The following NIM1K variants were observed in gnomAD, a reference collection of about 807,000 sequenced individuals.
NIM1K encodes serine/threonine-protein kinase NIM1.
NIM1K carries 35 observed loss-of-function variants against 37.1 expected under a neutral mutation model. That is an observed-to-expected ratio of 0.94 (90% CI 0.72 to 1.25). NIM1K has a LOEUF of 1.25. Ranked by LOEUF, NIM1K falls within the 50% of genes most tolerant of loss-of-function variation. The probability of loss-of-function intolerance (pLI) is 0.00; values close to 1 mark genes in which losing one functional copy is unlikely to be tolerated. For synonymous variants in NIM1K, 234 were observed against 206.6 expected (o/e 1.13, Z -1.14); for missense variants, 564 against 548.0 (o/e 1.03, Z -0.29).
chr5:43,258,377 G>A (rs1470081041), intron 2 of NIM1K, among the ~76,000 whole-genome samples: 1 of 151,414 alleles, frequency 6.6e-6, no homozygotes, highest in African/African-American at 2.4e-5. Context: ...CTAGTTTCTA[G>A]TTTCCAGTTT....
chr5:43,208,128 A>G (rs1413131671), intron 1 of NIM1K, among the ~76,000 whole-genome samples: 1 of 152,052 alleles, frequency 6.6e-6, no homozygotes, highest in Admixed American at 6.6e-5. Flanking sequence ...TTGTTTTGGT[A>G]GATCTTCAGT....
chr5:43,206,228 A>G (rs1752108357), intron 1 of NIM1K, among the ~76,000 whole-genome samples: 1 of 152,108 alleles, frequency 6.6e-6, no homozygotes, highest in Non-Finnish European at 1.5e-5. Flanking sequence ...AAGTAAAGAA[A>G]AGAAAATACC....
intron 2 of NIM1K, among the ~76,000 whole-genome samples, chr5:43,251,309 T>G (rs1038534663): frequency 2.0e-5 from 3 of 152,228 alleles, no homozygotes; most frequent in Non-Finnish European, 4.4e-5. Flanking sequence ...TCTCTTTGCC[T>G]TAATTAGGAG....
chr5:43,266,232 A>G (rs917083909), intron 2 of NIM1K, among the ~76,000 whole-genome samples: 1 of 152,186 alleles, frequency 6.6e-6, no homozygotes, highest in Non-Finnish European at 1.5e-5. Context: ...GAGTCTACAG[A>G]GGCAGGCTGG....
At chr5:43,199,204 A>AAAAAT (rs1200134957) in intron 1 of NIM1K, among the ~76,000 whole-genome samples, 3 of 94,070 alleles carry the variant, frequency 3.2e-5, no homozygotes, top group African/African-American at 1.2e-4. Flanking sequence ...AAAAAAAAAA[A>AAAAAT]ATATATATAT....
chr5:43,211,942 C>A (rs1020422054), intron 1 of NIM1K, among the ~76,000 whole-genome samples: 1 of 152,140 alleles, frequency 6.6e-6, no homozygotes, highest in South Asian at 2.1e-4. Context: ...CTTCATCAAA[C>A]CACACATGCA....
intron 1 of NIM1K, among the ~76,000 whole-genome samples, chr5:43,221,671 A>C (rs1752383138): frequency 6.6e-6 from 1 of 152,214 alleles, no homozygotes; most frequent in East Asian, 1.9e-4. Context: ...TGAGGTACAG[A>C]AACAGCCGGA....
At position 43,198,135 on chromosome 5, in the gene NIM1K, C is replaced by CT. The variant is rs1275893767; in HGVS notation, c.-695+5727dup. Reference sequence around the variant, plus strand: ...CACCCGCACCTGGCCAATATGATTTCTTTCTTTCTTTCTTTCTTTCTTTCT... The same window carrying CT: ...CACCCGCACCTGGCCAATATGATTTCTTTTCTTTCTTTCTTTCTTTCTTTCT... On this transcript the variant is annotated intron_variant, in intron 1 of 3. Coordinates refer to ENST00000326035, the MANE Select transcript of NIM1K (RefSeq NM_153361.4). Among the ~76,000 whole-genome samples, 56 of 37,996 alleles carry CT rather than the reference C, an allele frequency of 1.5e-3. 2 individuals carry two copies. The highest frequency in any genetic ancestry group is 6.6e-4 in the Non-Finnish European group (12 of 18,132). 24.9% of individuals were successfully genotyped at this position (37,996 alleles called of 152,430 possible).
intron 2 of NIM1K, among the ~76,000 whole-genome samples, chr5:43,257,362 CTTTTTTTTTTTT>C (rs36108441): frequency 2.6e-4 from 15 of 58,790 alleles, no homozygotes; most frequent in African/African-American, 8.8e-4. Flanking sequence ...TAAAGTGACT[CTTTTTTTTTTTT>C]TTTTTTTTTT....
chr5:43,250,758 A>G (rs1017164637), intron 2 of NIM1K, among the ~76,000 whole-genome samples: 2 of 152,384 alleles, frequency 1.3e-5, no homozygotes, highest in African/African-American at 4.8e-5. Flanking sequence ...AAAGTGTCCA[A>G]TGCTGCAGAA....
chr5:43,255,756 AAG>A (rs1554016080), intron 2 of NIM1K, among the ~76,000 whole-genome samples: 35 of 93,518 alleles, frequency 3.7e-4, no homozygotes, highest in Non-Finnish European at 7.2e-4. Flanking sequence ...TCAAAAAAAA[AAG>A]AAAGAAAGAA....
intron 2 of NIM1K, among the ~76,000 whole-genome samples, chr5:43,259,593 T>C (rs184137336): frequency 2.6e-5 from 4 of 152,364 alleles, no homozygotes; most frequent in Admixed American, 2.6e-4. Flanking sequence ...TTGAGAAATA[T>C]TTATTCATAT....
chr5:43,203,655 T>TA (rs1194874983), intron 1 of NIM1K, among the ~76,000 whole-genome samples: 2 of 152,190 alleles, frequency 1.3e-5, no homozygotes, highest in African/African-American at 4.8e-5. Context: ...ACAATAGTCA[T>TA]ATAGTACACT....
At chr5:43,242,755 C>T (rs1752722761) in intron 1 of NIM1K, 1 of 151,440 alleles carries the variant, frequency 6.6e-6, no homozygotes, top group Non-Finnish European at 1.5e-5. Flanking sequence ...CTGTGCAGAA[C>T]TCCCAGAGAC....
intron 2 of NIM1K, among the ~76,000 whole-genome samples, chr5:43,265,050 C>T (rs1753101536): frequency 6.6e-6 from 1 of 152,194 alleles, no homozygotes; most frequent in Admixed American, 6.5e-5. Flanking sequence ...CTGCCCTTAA[C>T]ATTTTTGCCT....
At chr5:43,211,120 C>T (rs910220491) in intron 1 of NIM1K, among the ~76,000 whole-genome samples, 1 of 152,012 alleles carries the variant, frequency 6.6e-6, no homozygotes, top group South Asian at 2.1e-4. Context: ...TGCAGTGAGC[C>T]GAGATTGCGC....
At chr5:43,271,301 C>G (rs1753252719) in intron 2 of NIM1K, among the ~76,000 whole-genome samples, 1 of 152,002 alleles carries the variant, frequency 6.6e-6, no homozygotes, top group African/African-American at 2.4e-5. Flanking sequence ...TTTCTTCTTT[C>G]AATTCTTCAA....
At chr5:43,265,395 C>T (rs1382602860) in intron 2 of NIM1K, among the ~76,000 whole-genome samples, 1 of 152,154 alleles carries the variant, frequency 6.6e-6, no homozygotes, top group Non-Finnish European at 1.5e-5. Context: ...ACCTTTTCTT[C>T]CATTTGATCG....
intron 1 of NIM1K, among the ~76,000 whole-genome samples, chr5:43,217,892 AGT>A (rs1438923919): frequency 2.6e-5 from 4 of 151,442 alleles, no homozygotes; most frequent in Admixed American, 6.6e-5. Flanking sequence ...TTGTATTTTT[AGT>A]GGAGACAGCA....
Sources: allele counts gnomAD v4.1 joint callset (sites outside exome capture counted in the v4.1 genomes callset), GRCh38; gene constraint gnomAD v4.1.1; transcripts MANE v1.5; gene names NCBI Gene and HGNC (gene_info 2026-07-23, HGNC 2026-07-21).